Variants in ATCAY observed in about 807,000 individuals in gnomAD.
The protein encoded by ATCAY is ATCAY kinesin light chain interacting caytaxin, also known as caytaxin.
A neutral mutation model predicts 47.7 loss-of-function variants in ATCAY; 22 were observed. That is an observed-to-expected ratio of 0.46 (90% confidence interval 0.33 to 0.66). ATCAY has a LOEUF of 0.66. Ranked by LOEUF, ATCAY falls within the 30% of genes least tolerant of loss-of-function variation. The pLI is 0.02. For missense variants in ATCAY, 452 were observed against 515.0 expected, an observed-to-expected ratio of 0.88 and a Z score of 1.18; for synonymous variants, 216 against 207.6, an observed-to-expected ratio of 1.04 and a Z score of -0.35.
At position 3,913,838 on chromosome 19, in the gene ATCAY, T is replaced by C. The variant is rs2038942916; in HGVS notation, c.947T>C (p.Ile316Thr). 6.2e-7 allele frequency: 1 copy of C among 1,613,504 alleles called. No homozygotes were observed. Among genetic ancestry groups the C allele is most frequent in the South Asian group, 1.1e-5 (1 of 91,010 alleles). Residue 316 changes from isoleucine (I) to threonine (T), a missense_variant, in exon 9 of 13, where the codon ATC (isoleucine) becomes ACC (threonine). By Grantham distance (89) the Ile-to-Thr change is moderately conservative (BLOSUM62 -1). Transcript: ENST00000450849. ...CTCATCCCTATGGAACACGTCCAGATCCCAGACTGCGTCCTGCAGTGAGTG... is the reference window on the plus strand; with the variant it reads ...CTCATCCCTATGGAACACGTCCAGACCCCAGACTGCGTCCTGCAGTGAGTG... ...EQLIPMEHVQIPDCVLQYEEE... is the reference protein window; with the variant it reads ...EQLIPMEHVQTPDCVLQYEEE...
intron 3 of ATCAY, among the ~76,000 whole-genome samples, chr19:3,905,138 G>A (rs993071420): frequency 1.3e-5 from 2 of 152,160 alleles, no homozygotes; most frequent in African/African-American, 2.4e-5. Context: ...GATTACAGGC[G>A]TGAGCCACCG....
chr19:3,890,928 A>G (rs2038712916), intron 2 of ATCAY, among the ~76,000 whole-genome samples: 2 of 152,192 alleles, frequency 1.3e-5, no homozygotes, highest in African/African-American at 4.8e-5. Context: ...GTCTGCCGCA[A>G]AACAGCTCAC....
chr19:3,901,214 T>C (rs959831864), intron 2 of ATCAY, among the ~76,000 whole-genome samples: 3 of 152,152 alleles, frequency 2.0e-5, no homozygotes, highest in Non-Finnish European at 4.4e-5. Flanking sequence ...TCCTTCATCT[T>C]CTTGAGGGCA....
chr19:3,918,564 A>AAAAAT (rs1182444963), intron 10 of ATCAY, among the ~76,000 whole-genome samples: 3 of 151,762 alleles, frequency 2.0e-5, no homozygotes, highest in African/African-American at 7.2e-5. Context: ...CAAAAAAAAA[A>AAAAAT]ACAAAAAAAA....
rs59611737 is a variant in ATCAY at position 3,884,768 on chromosome 19, A to G, written c.-41-959A>G. The stretch of plus-strand genomic sequence containing the variant: ...TGTGCCTCTGTTTTCTCATCTGTAA[A>G]ACAGGGGAACCTCATGGGGCTCGGT... On this transcript the variant is annotated intron_variant, in intron 1 of 12. Transcript: ENST00000450849. 7.7e-3 allele frequency among the ~76,000 whole-genome samples: 1,171 copies of G among 151,924 alleles called. 17 individuals are homozygous for G. The highest frequency in any genetic ancestry group is 0.027 in the African/African-American group (1,109 of 41,412).
chr19:3,883,502 A>T (rs1045674596), intron 1 of ATCAY, among the ~76,000 whole-genome samples: 7 of 152,180 alleles, frequency 4.6e-5, no homozygotes, highest in Middle Eastern at 6.3e-3. Context: ...AGAAATGACT[A>T]TTGCCTTTAA....
rs1047604477 is a variant in ATCAY, at chr19:3,893,827, C to T, written c.77+7983C>T. 5.9e-5 allele frequency among the ~76,000 whole-genome samples: 9 copies of T among 152,264 alleles called. No individual in the cohort carries two copies. The South Asian group carries it at 6.2e-4, about 11-fold the overall frequency. Reference sequence around the variant, plus strand: ...CAGCCTCAGGACCTCATCCCATCCCCGAGGCACTGCCTCTCCCTGGCCCTC... The same window carrying T: ...CAGCCTCAGGACCTCATCCCATCCCTGAGGCACTGCCTCTCCCTGGCCCTC... On this transcript the variant is annotated intron_variant, in intron 2 of 12. Coordinates refer to ENST00000450849, the MANE Select transcript of ATCAY (RefSeq NM_033064.5).
intron 2 of ATCAY, among the ~76,000 whole-genome samples, chr19:3,894,642 A>AAC (rs2038750385): frequency 6.6e-6 from 1 of 150,610 alleles, no homozygotes; most frequent in Admixed American, 6.7e-5. Context: ...AAAAAAAAAA[A>AAC]AAAACTGTAA....
chr19:3,914,051 A>G (rs1224430119), intron 9 of ATCAY, among the ~76,000 whole-genome samples, 195 bp downstream of exon 9: 3 of 151,766 alleles, frequency 2.0e-5, no homozygotes, highest in Non-Finnish European at 4.4e-5. Flanking sequence ...CCTGGCTAAC[A>G]TGGTGAAACC....
chr19:3,916,390 C>G (rs996496188), intron 9 of ATCAY, among the ~76,000 whole-genome samples: 2 of 152,200 alleles, frequency 1.3e-5, no homozygotes, highest in Non-Finnish European at 2.9e-5. Context: ...GTACAAATAT[C>G]TCTGTAAGAC....
rs56742726 is a variant in ATCAY at position 3,914,235 on chromosome 19, C to CAAAAAAAAAAAAAAAAAA, written c.965+394_965+395insAAAAAAAAAAAAAAAAAA. 8.8e-4 allele frequency among the ~76,000 whole-genome samples: 55 copies of CAAAAAAAAAAAAAAAAAA among 62,544 alleles called. 3 individuals are homozygous for CAAAAAAAAAAAAAAAAAA. Among genetic ancestry groups the CAAAAAAAAAAAAAAAAAA allele is most frequent in the African/African-American group, 3.6e-3 (34 of 9,556 alleles). The allele number at this position is 62,544 out of a possible 152,430, so 41.0% of individuals were successfully genotyped here. The stretch of plus-strand genomic sequence containing the variant: ...TGGGCCACAGAGCGAGACTCCATCG[C>CAAAAAAAAAAAAAAAAAA]AAAAAAAAAAAAAAAGGGCTAACGG... On this transcript the variant is annotated intron_variant, in intron 9 of 12. Coordinates refer to ENST00000450849, the MANE Select transcript of ATCAY (RefSeq NM_033064.5).
In ATCAY at chr19:3,885,830, C is replaced by G; in HGVS notation, c.63C>G (p.Asp21Glu). 1 of 1,552,144 alleles carries G rather than the reference C, an allele frequency of 6.4e-7. No individual in the cohort carries two copies. The highest frequency in any genetic ancestry group is 8.7e-7 in the Non-Finnish European group (1 of 1,147,716). ...ENVDVKEEWQ[D>E]EDLPRPLPEE... ...TGGACGTGAAGGAGGAATGGCAGGA[C>G]GAAGATCTTCCCAGGTAGGACTTCC... Residue 21 changes from aspartate to glutamate, a missense_variant, in exon 2 of 13, where the codon GAC (aspartate) becomes GAG (glutamate). Asp to Glu is a conservative substitution (Grantham distance 45, BLOSUM62 2). Transcript: ENST00000450849.
In ATCAY at chr19:3,924,588, C is replaced by A; in HGVS notation, c.1112C>A (p.Ser371Tyr). 6.2e-7 allele frequency: 1 copy of A among 1,613,762 alleles called. No individual in the cohort carries two copies. ...LVSEDQETSM[S>Y] ...CTGTGTCTTTCCCTCCCTAGCATGT[C>A]CTGAGGCGACGTGAGCATAACAAAG... The change falls in exon 13 of 13, where the codon TCC becomes TAC. Residue 371 changes from serine (S) to tyrosine (Y), a missense_variant. Coordinates refer to ENST00000450849, the MANE Select transcript of ATCAY (RefSeq NM_033064.5).
At chr19:3,901,272 T>C (rs1281371675) in intron 2 of ATCAY, among the ~76,000 whole-genome samples, 1 of 152,190 alleles carries the variant, frequency 6.6e-6, no homozygotes, top group African/African-American at 2.4e-5. Context: ...GAAATGTGTC[T>C]CTTCTCTCCT....
chr19:3,915,837 G>C (rs1432534173), intron 9 of ATCAY, among the ~76,000 whole-genome samples: 1 of 151,350 alleles, frequency 6.6e-6, no homozygotes, highest in Non-Finnish European at 1.5e-5. Context: ...TTACAGGCGT[G>C]AGCCACCACG....
intron 2 of ATCAY, among the ~76,000 whole-genome samples, chr19:3,886,870 C>T (rs1403599068): frequency 1.3e-5 from 2 of 151,746 alleles, no homozygotes; most frequent in African/African-American, 4.8e-5. Context: ...CCCGCCACCA[C>T]ATCTGGCTGA....
Position 3,905,482 on chromosome 19 carries a change from C to G in ATCAY, c.185C>G (p.Thr62Arg). ...NFNGAHRKRK[T>R]LVAPEINISL... ...AACGGAGCGCATCGTAAGAGGAAGA[C>G]GCTGGTGGCCCCAGAGATCAACATT... Residue 62 changes from threonine (T) to arginine (R), a missense_variant, in exon 4 of 13, where the codon ACG (threonine) becomes AGG (arginine). Coordinates refer to ENST00000450849, the MANE Select transcript of ATCAY (RefSeq NM_033064.5). 1 of 1,613,818 alleles carries G rather than the reference C, an allele frequency of 6.2e-7. No homozygotes were observed.
chr19:3,885,303 C>A (rs982668145), intron 1 of ATCAY, among the ~76,000 whole-genome samples: 1 of 151,636 alleles, frequency 6.6e-6, no homozygotes, highest in Non-Finnish European at 1.5e-5. Flanking sequence ...CCTGTAATCC[C>A]AGCACTTTGG....
intron 9 of ATCAY, 83 bp downstream of exon 9, chr19:3,913,939 CAA>C (rs1568451589): frequency 7.6e-7 from 1 of 1,322,694 alleles, no homozygotes; most frequent in Non-Finnish European, 1.1e-6. Flanking sequence ...GGGCAATTTA[CAA>C]AAGAGGTTTA....
Sources: allele counts gnomAD v4.1 joint callset (sites outside exome capture counted in the v4.1 genomes callset), GRCh38; gene constraint gnomAD v4.1.1; transcripts MANE v1.5; gene names NCBI Gene and HGNC (gene_info 2026-07-23, HGNC 2026-07-21).